Variants in ATRNL1 observed in about 807,000 individuals in gnomAD.
The protein encoded by ATRNL1 is attractin like 1.
In ATRNL1, 95 loss-of-function variants were observed where a neutral mutation model predicts 182.7. The ratio of observed to expected loss-of-function variants is 0.52; its 90% CI spans 0.44 to 0.62. The LOEUF (loss-of-function observed/expected upper bound fraction) is 0.62, where lower values mean the gene tolerates loss of function less well. Ranked by LOEUF, ATRNL1 falls within the 20% of genes least tolerant of loss-of-function variation. ATRNL1 has a pLI of 0.00. For missense variants in ATRNL1, 1,471 were observed against 1,679.5 expected (o/e 0.88, Z 2.17); for synonymous variants, 576 against 568.3 (o/e 1.01, Z -0.19).
At chr10:115,625,417 T>C (rs1356134775) in intron 26 of ATRNL1, among the ~76,000 whole-genome samples, 2 of 152,250 alleles carry the variant, frequency 1.3e-5, no homozygotes, top group East Asian at 3.8e-4. Context: ...CATAATTTAA[T>C]GCTATTAATT....
chr10:115,553,382 A>T (rs1393698952), intron 26 of ATRNL1, among the ~76,000 whole-genome samples: 1 of 151,322 alleles, frequency 6.6e-6, no homozygotes, highest in African/African-American at 2.4e-5. Flanking sequence ...ATGTGATAGC[A>T]ATTTTTCCAT....
At position 115,701,947 on chromosome 10, in the gene ATRNL1, T is replaced by G. The variant is rs558335096; in HGVS notation, c.3796-25301T>G. ...GAGAGACTCTTCCCTAAGCATTCTA[T>G]GAAGCCAGCATCACCCTGATACCAA... On this transcript the variant is annotated intron_variant, in intron 26 of 28. Transcript: ENST00000355044. Among the ~76,000 whole-genome samples, 10 of 152,012 alleles carry G rather than the reference T, an allele frequency of 6.6e-5. No homozygotes were observed. The East Asian group carries it at 1.2e-3, about 18-fold the overall frequency.
At chr10:115,433,553 T>C (rs1384770259) in intron 21 of ATRNL1, among the ~76,000 whole-genome samples, 1 of 152,108 alleles carries the variant, frequency 6.6e-6, no homozygotes, top group Non-Finnish European at 1.5e-5. Flanking sequence ...TGACAAGACA[T>C]AAATGAGTCA....
chr10:115,677,107 G>C (rs1945887647), intron 26 of ATRNL1, among the ~76,000 whole-genome samples: 2 of 151,952 alleles, frequency 1.3e-5, no homozygotes, highest in African/African-American at 4.8e-5. Flanking sequence ...AATATCTGTT[G>C]AATAAATGCA....
intron 19 of ATRNL1, among the ~76,000 whole-genome samples, chr10:115,363,264 G>T (rs1554944887): frequency 6.6e-6 from 1 of 151,742 alleles, no homozygotes; most frequent in Non-Finnish European, 1.5e-5. Flanking sequence ...CATTTCTCTG[G>T]TCAGTGATGA....
At position 115,898,012 on chromosome 10, in the gene ATRNL1, C is replaced by A. The variant is rs957012820; in HGVS notation, c.4019-46646C>A. Reference sequence around the variant, plus strand: ...GTGGTCTCAGCTCACTGCAACCTCCCGTCTTCCCGGGTTCAAGCAATTCTC... The same window carrying A: ...GTGGTCTCAGCTCACTGCAACCTCCAGTCTTCCCGGGTTCAAGCAATTCTC... On this transcript the variant is annotated intron_variant, in intron 28 of 28. Coordinates refer to ENST00000355044, the MANE Select transcript of ATRNL1 (RefSeq NM_207303.4). 3.3e-5 allele frequency among the ~76,000 whole-genome samples: 5 copies of A among 152,032 alleles called. No individual in the cohort carries two copies. In the East Asian group the frequency reaches 7.7e-4, roughly 24 times the overall value.
At chr10:115,871,344 CTT>C (rs34110588) in intron 28 of ATRNL1, among the ~76,000 whole-genome samples, 18 of 141,644 alleles carry the variant, frequency 1.3e-4, no homozygotes, top group East Asian at 2.0e-4. Context: ...CCTTTTAGGA[CTT>C]TTTTTTTTTT....
At chr10:115,592,879 A>C (rs1242894342) in intron 26 of ATRNL1, among the ~76,000 whole-genome samples, 1 of 152,156 alleles carries the variant, frequency 6.6e-6, no homozygotes, top group Non-Finnish European at 1.5e-5. Flanking sequence ...AGGGAATGTC[A>C]GTTCCTGATT....
chr10:115,132,899 G>A (rs1292253939), intron 5 of ATRNL1, among the ~76,000 whole-genome samples: 1 of 152,112 alleles, frequency 6.6e-6, no homozygotes, highest in Non-Finnish European at 1.5e-5. Context: ...CACTCTGATG[G>A]TAGTTTCTTT....
chr10:115,256,505 C>G (rs947714709), intron 10 of ATRNL1, among the ~76,000 whole-genome samples: 3 of 151,878 alleles, frequency 2.0e-5, no homozygotes, highest in African/African-American at 7.3e-5. Flanking sequence ...ATTTTTATTG[C>G]ATGTATTTGA....
chr10:115,468,114 G>T (rs782116049), intron 23 of ATRNL1, among the ~76,000 whole-genome samples: 4 of 150,496 alleles, frequency 2.7e-5, no homozygotes, highest in Non-Finnish European at 4.5e-5. Context: ...TGAAAATTCA[G>T]GCAAATAGGC....
intron 10 of ATRNL1, among the ~76,000 whole-genome samples, chr10:115,263,394 T>G (rs1370722870): frequency 2.6e-5 from 4 of 151,784 alleles, no homozygotes; most frequent in Non-Finnish European, 5.9e-5. Context: ...CCCTTTTGCA[T>G]TACTGGTAAA....
At chr10:115,269,645 T>C (rs890413619) in intron 13 of ATRNL1, among the ~76,000 whole-genome samples, 2 of 152,174 alleles carry the variant, frequency 1.3e-5, no homozygotes, top group African/African-American at 2.4e-5. Flanking sequence ...AAAGATTCTT[T>C]CATGGGCCTA....
chr10:115,679,363 C>G (rs1945974102), intron 26 of ATRNL1, among the ~76,000 whole-genome samples: 1 of 151,810 alleles, frequency 6.6e-6, no homozygotes, highest in African/African-American at 2.4e-5. Flanking sequence ...TGCAGTACAA[C>G]CCTCTCTGAA....
intron 20 of ATRNL1, among the ~76,000 whole-genome samples, chr10:115,405,516 C>T (rs618602): frequency 2.6e-5 from 4 of 151,964 alleles, no homozygotes; most frequent in Middle Eastern, 3.4e-3. Flanking sequence ...GGCAATTTGC[C>T]GGTGCAAATA....
At chr10:115,177,876 T>G (rs79056911) in intron 8 of ATRNL1, among the ~76,000 whole-genome samples, 2 of 150,600 alleles carry the variant, frequency 1.3e-5, no homozygotes, top group Admixed American at 6.6e-5. Flanking sequence ...GAGCTGTGTT[T>G]TTTTTTTTTT....
intron 26 of ATRNL1, among the ~76,000 whole-genome samples, chr10:115,725,403 T>C (rs1033840892): frequency 6.6e-6 from 1 of 152,166 alleles, no homozygotes; most frequent in Non-Finnish European, 1.5e-5. Flanking sequence ...ATATGTGATA[T>C]TGAGTATTCA....
At chr10:115,454,981 T>C (rs1190570266) in intron 21 of ATRNL1, among the ~76,000 whole-genome samples, 1 of 152,112 alleles carries the variant, frequency 6.6e-6, no homozygotes, top group Non-Finnish European at 1.5e-5. Context: ...TTCTGGAACA[T>C]AGAAGGAATA....
intron 8 of ATRNL1, among the ~76,000 whole-genome samples, chr10:115,173,515 TACTG>T (rs1425227848): frequency 3.3e-5 from 5 of 149,816 alleles, no homozygotes; most frequent in East Asian, 1.9e-4. Context: ...GGCCTTCTGT[TACTG>T]ACTTAGTATT....
Sources: gnomAD v4.1 joint callset for allele counts (sites outside exome capture counted in the v4.1 genomes callset) on GRCh38, gnomAD v4.1.1 for gene constraint, MANE v1.5 for transcripts, NCBI Gene and HGNC (gene_info 2026-07-23, HGNC 2026-07-21) for gene names.